Variants in ANK2 observed in about 807,000 individuals in gnomAD.
ANK2 encodes ankyrin-2.
Under a neutral mutation model 360.5 loss-of-function variants are expected in ANK2, and 83 were observed. The observed-to-expected ratio is 0.23, with a 90% CI of 0.19 to 0.28. The LOEUF (loss-of-function observed/expected upper bound fraction) is 0.28. ANK2 is among the 10% of genes least tolerant of loss of function. The pLI is 1.00. For synonymous variants in ANK2, 1,740 were observed against 1,759.5 expected (o/e 0.99, Z 0.28); for missense variants, 4,201 against 4,795.7 (o/e 0.88, Z 3.66).
At chr4:113,370,725 A>C (rs2154069300) in intron 43 of ANK2, among the ~76,000 whole-genome samples, 1 of 152,294 alleles carries the variant, frequency 6.6e-6, no homozygotes, top group South Asian at 2.1e-4. Flanking sequence ...ATACCACTGC[A>C]CTCCAGCCTG....
rs1458780259 is a variant in ANK2, at chr4:113,356,457, A to G, written c.7839A>G (p.Lys2613=). The part of the protein sequence containing the change: ...QEAKQKRDYK[K]EPKQEESSSS... Reference sequence around the variant, plus strand: ...CAAAGCAGAAAAGGGACTACAAAAAAGAACCCAAACAAGAAGAATCTTCTT... The same window carrying G: ...CAAAGCAGAAAAGGGACTACAAAAAGGAACCCAAACAAGAAGAATCTTCTT... Residue 2613 remains lysine, a synonymous_variant, in exon 38 of 46, where the codon AAA becomes AAG. Transcript: ENST00000357077. 1.9e-6 allele frequency: 3 copies of G among 1,614,214 alleles called. No homozygotes were observed. Among genetic ancestry groups the G allele is most frequent in the Non-Finnish European group, 2.5e-6 (3 of 1,180,000 alleles).
At chr4:112,806,360 T>C in the ANK2 span, among the ~76,000 whole-genome samples, 1 of 152,208 alleles carries the variant, frequency 6.6e-6, no homozygotes, top group African/African-American at 2.4e-5. Context: ...GTTCCATCCA[T>C]GTTGTTGCAA....
chr4:113,249,737 G>A (rs776163559), intron 9 of ANK2, 27 bp from the exon 10 acceptor site: 2 of 1,608,896 alleles, frequency 1.2e-6, no homozygotes, highest in Admixed American at 3.3e-5. Context: ...AGTGAACTTG[G>A]GCCTAATTCT....
chr4:113,258,502 C>G, intron 13 of ANK2, 91 bp downstream of exon 13: 1 of 1,278,990 alleles, frequency 7.8e-7, no homozygotes, highest in Non-Finnish European at 1.1e-6. Context: ...GCGTGTATGT[C>G]ATCGAAGTAA....
chr4:112,727,904 G>A, the ANK2 span, among the ~76,000 whole-genome samples: 1 of 152,170 alleles, frequency 6.6e-6, no homozygotes, highest in Non-Finnish European at 1.5e-5. Flanking sequence ...TTGCACGCGG[G>A]AGGCGGACGT....
At chr4:113,203,200 G>A (rs1298299369) in intron 4 of ANK2, among the ~76,000 whole-genome samples, 1 of 152,186 alleles carries the variant, frequency 6.6e-6, no homozygotes, top group African/African-American at 2.4e-5. Flanking sequence ...ATGTTGGGAT[G>A]ATTTCCATTT....
At chr4:112,763,268 C>A in the ANK2 span, among the ~76,000 whole-genome samples, 2 of 149,140 alleles carry the variant, frequency 1.3e-5, no homozygotes, top group Non-Finnish European at 3.0e-5. Flanking sequence ...CTCGCTCTGT[C>A]GCCCAGGCTG....
At chr4:112,940,156 T>G (rs909688897) in intron 2 of ANK2, among the ~76,000 whole-genome samples, 5 of 152,164 alleles carry the variant, frequency 3.3e-5, no homozygotes, top group Non-Finnish European at 7.4e-5. Context: ...CCTTAGTAAT[T>G]TGCTGCAATC....
chr4:112,818,017 A>T (rs1578936860), upstream of ANK2: 1 of 152,362 alleles, frequency 6.6e-6, no homozygotes, highest in Admixed American at 6.5e-5. Flanking sequence ...AGGCTGGCGG[A>T]TGGGCTGTCA....
chr4:112,999,652 C>T (rs1254528476), intron 2 of ANK2, among the ~76,000 whole-genome samples: 1 of 147,298 alleles, frequency 6.8e-6, no homozygotes, highest in African/African-American at 2.6e-5. Context: ...CCTTTTCCTC[C>T]TCCTCCTTAA....
At chr4:112,833,120 G>A (rs1466940173) in intron 1 of ANK2, among the ~76,000 whole-genome samples, 1 of 152,228 alleles carries the variant, frequency 6.6e-6, no homozygotes, top group East Asian at 1.9e-4. Context: ...AGCAGAAAGA[G>A]GCTTGGTTGT....
the ANK2 span, among the ~76,000 whole-genome samples, chr4:112,721,465 C>G: frequency 9.4e-5 from 14 of 148,800 alleles, no homozygotes; most frequent in African/African-American, 3.5e-4. Flanking sequence ...TCGTTTGAAC[C>G]CAGGAGGTGG....
At chr4:113,173,349 C>T (rs576402947) in intron 1 of ANK2, among the ~76,000 whole-genome samples, 1 of 152,148 alleles carries the variant, frequency 6.6e-6, no homozygotes, top group Non-Finnish European at 1.5e-5. Flanking sequence ...TTGCCAAGTA[C>T]TTTGTTTGAG....
chr4:113,144,570 T>C (rs921851069), intron 1 of ANK2, among the ~76,000 whole-genome samples: 1 of 151,796 alleles, frequency 6.6e-6, no homozygotes, highest in African/African-American at 2.4e-5. Context: ...CAATACTTTT[T>C]TTAGACATTT....
chr4:112,969,699 A>G (rs1226830353), intron 2 of ANK2, among the ~76,000 whole-genome samples: 9 of 152,198 alleles, frequency 5.9e-5, no homozygotes, highest in Non-Finnish European at 1.2e-4. Flanking sequence ...TGTTTATAGA[A>G]TATTCATTCT....
chr4:113,216,184 G>A (rs1271115765), intron 4 of ANK2, among the ~76,000 whole-genome samples: 1 of 152,140 alleles, frequency 6.6e-6, no homozygotes, highest in Non-Finnish European at 1.5e-5. Context: ...CTGAGAAAAT[G>A]ACTAAAACAG....
At chr4:112,936,858 A>G (rs1228454925) in intron 2 of ANK2, among the ~76,000 whole-genome samples, 1 of 152,072 alleles carries the variant, frequency 6.6e-6, no homozygotes. Context: ...GCGTGATCAT[A>G]GCTCATTGCA....
intron 13 of ANK2, among the ~76,000 whole-genome samples, chr4:113,259,976 T>C (rs1397045412): frequency 7.9e-5 from 12 of 152,170 alleles, no homozygotes; most frequent in Non-Finnish European, 1.5e-4. Context: ...CCACCTATTC[T>C]TATTTGCATT....
At chr4:113,337,421 T>C (rs1448121068) in intron 31 of ANK2, among the ~76,000 whole-genome samples, 1 of 152,196 alleles carries the variant, frequency 6.6e-6, no homozygotes, top group Non-Finnish European at 1.5e-5. Context: ...AGTCTCTTCA[T>C]AACAATGCCA....
Sources: gnomAD v4.1 joint callset for allele counts (sites outside exome capture counted in the v4.1 genomes callset) on GRCh38, gnomAD v4.1.1 for gene constraint, MANE v1.5 for transcripts, NCBI Gene and HGNC (gene_info 2026-07-23, HGNC 2026-07-21) for gene names.